Variants in RBFOX1 observed in about 807,000 individuals in gnomAD.
The protein encoded by RBFOX1 is RNA binding protein fox-1 homolog 1.
In RBFOX1, 8 loss-of-function variants were observed where a neutral mutation model predicts 57.7. The observed-to-expected ratio is 0.14, with a 90% CI of 0.08 to 0.25. The LOEUF (loss-of-function observed/expected upper bound fraction) is 0.25, where lower values mean the gene tolerates loss of function less well. Among genes scored for constraint, RBFOX1 ranks in the 10% least tolerant of loss-of-function variants. RBFOX1 has a pLI of 1.00. For synonymous variants in RBFOX1, 326 were observed against 222.4 expected (o/e 1.47, Z -4.15); for missense variants, 611 against 548.5 (o/e 1.11, Z -1.14).
chr16:7,595,362 A>C (rs549393574), intron 7 of RBFOX1, among the ~76,000 whole-genome samples, 187 bp from the exon 8 acceptor site: 1 of 152,214 alleles, frequency 6.6e-6, no homozygotes, highest in Non-Finnish European at 1.5e-5. Context: ...GACAGAAAAA[A>C]ATATCTTGTT....
intron 1 of RBFOX1, among the ~76,000 whole-genome samples, chr16:6,281,674 G>T (rs908190947): frequency 6.6e-6 from 1 of 152,178 alleles, no homozygotes; most frequent in African/African-American, 2.4e-5. Flanking sequence ...AGTTACTTTT[G>T]TGCCGACGTA....
At chr16:7,687,069 C>T (rs975245303) in intron 14 of RBFOX1, among the ~76,000 whole-genome samples, 1 of 151,978 alleles carries the variant, frequency 6.6e-6, no homozygotes, top group African/African-American at 2.4e-5. Context: ...CATGTGTTCC[C>T]CCTTTTCAAA....
At chr16:7,409,942 G>C (rs2149055125) in intron 4 of RBFOX1, among the ~76,000 whole-genome samples, 1 of 152,248 alleles carries the variant, frequency 6.6e-6, no homozygotes, top group East Asian at 1.9e-4. Context: ...CTGTGCCTGT[G>C]GTCTGAGCTG....
intron 3 of RBFOX1, among the ~76,000 whole-genome samples, chr16:5,768,859 A>G (rs1304497639): frequency 6.6e-6 from 1 of 152,124 alleles, no homozygotes; most frequent in Non-Finnish European, 1.5e-5. Flanking sequence ...TACACGGACC[A>G]TCACTGTTTT....
chr16:6,308,891 C>T (rs374046715), intron 1 of RBFOX1, among the ~76,000 whole-genome samples: 17 of 152,144 alleles, frequency 1.1e-4, no homozygotes, highest in African/African-American at 4.1e-4. Context: ...AGCTGTCTCC[C>T]CCTGCCACTT....
intron 4 of RBFOX1, among the ~76,000 whole-genome samples, chr16:5,875,410 G>C (rs926524970): frequency 1.3e-5 from 2 of 152,118 alleles, no homozygotes; most frequent in African/African-American, 4.8e-5. Flanking sequence ...GGTGAAACTC[G>C]GGCAAATGAC....
At chr16:6,882,492 G>A (rs112838430) in intron 3 of RBFOX1, among the ~76,000 whole-genome samples, 2 of 152,036 alleles carry the variant, frequency 1.3e-5, no homozygotes, top group South Asian at 2.1e-4. Context: ...TACTCCGGAG[G>A]GTGAGGCAGG....
At chr16:5,607,821 AG>A (rs1487615067) in intron 3 of RBFOX1, among the ~76,000 whole-genome samples, 1 of 152,170 alleles carries the variant, frequency 6.6e-6, no homozygotes, top group African/African-American at 2.4e-5. Flanking sequence ...TTCCCTCAAA[AG>A]CATCCCTAGG....
At chr16:6,836,281 A>G (rs1254424857) in intron 3 of RBFOX1, among the ~76,000 whole-genome samples, 1 of 152,230 alleles carries the variant, frequency 6.6e-6, no homozygotes. Context: ...TTTACAAGCA[A>G]TGAGATAGTT....
intron 3 of RBFOX1, among the ~76,000 whole-genome samples, chr16:6,688,377 C>G (rs1046899573): frequency 6.6e-6 from 1 of 152,122 alleles, no homozygotes; most frequent in African/African-American, 2.4e-5. Context: ...GCCCCACCTT[C>G]AACAGTGAGG....
chr16:6,199,521 TAA>T (rs1398484201), intron 1 of RBFOX1, among the ~76,000 whole-genome samples: 1 of 152,214 alleles, frequency 6.6e-6, no homozygotes, highest in Non-Finnish European at 1.5e-5. Context: ...CCTGAGTGAC[TAA>T]AATGGTAGTT....
chr16:7,062,242 C>T (rs1050284352), intron 4 of RBFOX1, among the ~76,000 whole-genome samples: 13 of 142,882 alleles, frequency 9.1e-5, no homozygotes, highest in Admixed American at 2.9e-4. Flanking sequence ...TGCCGTGAAC[C>T]GAGATCATGA....
At chr16:7,157,362 C>T (rs1287843038) in intron 4 of RBFOX1, among the ~76,000 whole-genome samples, 1 of 151,466 alleles carries the variant, frequency 6.6e-6, no homozygotes, top group African/African-American at 2.4e-5. Flanking sequence ...TTCAATTTGG[C>T]AATAAATGTA....
At position 6,641,098 on chromosome 16, in the gene RBFOX1, C is replaced by A. The variant is rs370656618; in HGVS notation, c.-63-13505C>A. Among the ~76,000 whole-genome samples, 3 of 152,184 alleles carry A rather than the reference C, an allele frequency of 2.0e-5. No individual in the cohort carries two copies. The South Asian group carries it at 6.2e-4, about 32-fold the overall frequency. On this transcript the variant is annotated intron_variant, in intron 2 of 15. Coordinates refer to ENST00000550418, the MANE Select transcript of RBFOX1 (RefSeq NM_018723.4). ...AGTTGCTTAAATGGAGTGCACTAAA[C>A]CTCAATTTGATAATTGCATCCTCAA...
At chr16:5,366,540 A>C (rs939075056) in intron 1 of RBFOX1, 1 of 412,004 alleles carries the variant, frequency 2.4e-6, no homozygotes, top group African/African-American at 2.1e-5. Flanking sequence ...GTTCTGTAGA[A>C]GATGTTAGAG....
At chr16:7,678,954 C>T (rs1203560635) in intron 14 of RBFOX1, among the ~76,000 whole-genome samples, 1 of 152,148 alleles carries the variant, frequency 6.6e-6, no homozygotes, top group Non-Finnish European at 1.5e-5. Flanking sequence ...TACTGTTGTC[C>T]ATATAATTGG....
intron 4 of RBFOX1, among the ~76,000 whole-genome samples, chr16:7,322,402 G>A (rs532935537): frequency 9.2e-5 from 14 of 152,344 alleles, no homozygotes; most frequent in African/African-American, 1.9e-4. Flanking sequence ...ACACGTCAAC[G>A]TGATTTCACG....
At chr16:5,733,368 G>A (rs1194388108) in intron 3 of RBFOX1, among the ~76,000 whole-genome samples, 1 of 152,100 alleles carries the variant, frequency 6.6e-6, no homozygotes, top group African/African-American at 2.4e-5. Flanking sequence ...AAGGCCACTG[G>A]GGAAGCAACT....
intron 4 of RBFOX1, among the ~76,000 whole-genome samples, chr16:5,889,133 G>A (rs1051982221): frequency 6.6e-6 from 1 of 152,144 alleles, no homozygotes; most frequent in African/African-American, 2.4e-5. Context: ...TGTGTAGGAT[G>A]TGCAGGCTTG....
Sources: allele counts gnomAD v4.1 joint callset (sites outside exome capture counted in the v4.1 genomes callset), GRCh38; gene constraint gnomAD v4.1.1; transcripts MANE v1.5; gene names NCBI Gene and HGNC (gene_info 2026-07-23, HGNC 2026-07-21).